The following COL26A1 variants were observed in gnomAD, a reference collection of about 807,000 sequenced individuals.
The protein encoded by COL26A1 is collagen type XXVI alpha 1 chain, also known as collagen alpha-1(XXVI) chain.
A neutral mutation model predicts 59.3 loss-of-function variants in COL26A1; 41 were observed. The ratio of observed to expected loss-of-function variants is 0.69; its 90% confidence interval spans 0.54 to 0.90. The LOEUF (loss-of-function observed/expected upper bound fraction) is 0.90. COL26A1 is among the 40% of genes least tolerant of loss of function. The pLI, the probability that COL26A1 is intolerant of heterozygous loss-of-function variation, is 0.00. For missense variants in COL26A1, 612 were observed against 602.3 expected, an observed-to-expected ratio of 1.02 and a Z score of -0.17; for synonymous variants, 266 against 256.0, an observed-to-expected ratio of 1.04 and a Z score of -0.37.
At chr7:101,467,122 T>C (rs1793781302) in intron 3 of COL26A1, among the ~76,000 whole-genome samples, 1 of 151,650 alleles carries the variant, frequency 6.6e-6, no homozygotes. Context: ...TGGGAGGTGG[T>C]GGGTTGTGTA....
At chr7:101,551,238 T>TGGGGGGGGGCC in intron 10 of COL26A1, 95 bp downstream of exon 10, 2 of 491,354 alleles carry the variant, frequency 4.1e-6, no homozygotes, top group East Asian at 5.2e-5. Context: ...GGTGGGGGGG[T>TGGGGGGGGGCC]TCAGCCCTGG....
intron 3 of COL26A1, among the ~76,000 whole-genome samples, chr7:101,531,003 C>T (rs1289403937): frequency 1.3e-5 from 2 of 151,652 alleles, no homozygotes; most frequent in Non-Finnish European, 2.9e-5. Flanking sequence ...AGAAGTCTCA[C>T]TCTGTCACCC....
At chr7:101,409,597 CA>C (rs1170656606) in intron 1 of COL26A1, among the ~76,000 whole-genome samples, 10 of 152,216 alleles carry the variant, frequency 6.6e-5, no homozygotes, top group Non-Finnish European at 1.3e-4. Context: ...GGAAGTAGAT[CA>C]AGGTGTGTTA....
intron 3 of COL26A1, among the ~76,000 whole-genome samples, chr7:101,493,545 A>C (rs1327308548): frequency 2.0e-5 from 3 of 152,116 alleles, no homozygotes; most frequent in Admixed American, 2.0e-4. Context: ...ACTCTTACTC[A>C]GAACGGTATT....
Position 101,513,093 on chromosome 7 carries a change from G to A in COL26A1, c.386-19989G>A, listed in dbSNP as rs1395817331. Reference sequence around the variant, plus strand: ...ATGATTTTGGCTCACTGCAACCTCCGCCTCCTGGGTTCAAGCAATTCTCCT... The same window carrying A: ...ATGATTTTGGCTCACTGCAACCTCCACCTCCTGGGTTCAAGCAATTCTCCT... On this transcript the variant is annotated intron_variant, in intron 3 of 12. Transcript: ENST00000313669. Among the ~76,000 whole-genome samples the A allele has an allele frequency of 2.6e-5, 4 of 151,840 alleles. No homozygotes were observed. In the East Asian group the frequency reaches 5.8e-4, roughly 22 times the overall value.
intron 5 of COL26A1, among the ~76,000 whole-genome samples, chr7:101,540,893 G>A (rs992560526): frequency 6.6e-6 from 1 of 152,084 alleles, no homozygotes; most frequent in East Asian, 1.9e-4. Context: ...TATAATCCCA[G>A]CACTTTGGAA....
At chr7:101,468,938 G>GGTGT (rs1793829341) in intron 3 of COL26A1, among the ~76,000 whole-genome samples, 2 of 152,304 alleles carry the variant, frequency 1.3e-5, no homozygotes, top group Non-Finnish European at 2.9e-5. Context: ...TGCACCGGGT[G>GGTGT]GACCTTGGCC....
chr7:101,548,980 G>A (rs1021731545), intron 8 of COL26A1, among the ~76,000 whole-genome samples, 191 bp from the exon 9 acceptor site: 14 of 152,296 alleles, frequency 9.2e-5, no homozygotes, highest in South Asian at 2.1e-4. Context: ...GTGGGCAGCC[G>A]GTGGAGAGGA....
chr7:101,416,302 G>T (rs1427532644), intron 1 of COL26A1, among the ~76,000 whole-genome samples: 1 of 142,708 alleles, frequency 7.0e-6, no homozygotes, highest in African/African-American at 2.5e-5. Context: ...TGAGATGGGA[G>T]GATTGCATGA....
intron 1 of COL26A1, 127 bp from the exon 2 acceptor site, chr7:101,419,850 C>T: frequency 1.1e-6 from 1 of 914,118 alleles, no homozygotes; most frequent in Non-Finnish European, 1.7e-6. Flanking sequence ...AGTGGGCCCC[C>T]CATCCAAGAG....
intron 3 of COL26A1, among the ~76,000 whole-genome samples, chr7:101,485,252 C>A (rs1794243184): frequency 6.6e-6 from 1 of 152,178 alleles, no homozygotes; most frequent in Admixed American, 6.6e-5. Context: ...TCTGCACACG[C>A]CGGTGCTGAG....
chr7:101,488,733 AGC>A (rs775879352), intron 3 of COL26A1, among the ~76,000 whole-genome samples: 5 of 152,212 alleles, frequency 3.3e-5, no homozygotes, highest in Non-Finnish European at 7.3e-5. Context: ...ACTGTCGTCC[AGC>A]CATCTCCACT....
At position 101,547,226 on chromosome 7, in the gene COL26A1, C is replaced by CCCTGGTCCA. The variant is rs1266561903; in HGVS notation, c.930_938dup (p.Pro316_Pro318dup). The CCCTGGTCCA allele has an allele frequency of 1.9e-6, 3 of 1,580,476 alleles. No individual in the cohort carries two copies. Among genetic ancestry groups the CCCTGGTCCA allele is most frequent in the Non-Finnish European group, 2.6e-6 (3 of 1,164,720 alleles). The stretch of plus-strand genomic sequence containing the variant: ...CAGGTGTCCCAGGACCCCGGGGTCC[C>CCCTGGTCCA]CCTGGTCCACCAGGTAAGTGAATGG... On this transcript the variant is annotated inframe_insertion, in exon 8 of 13. Coordinates refer to ENST00000313669, the MANE Select transcript of COL26A1 (RefSeq NM_001278563.3).
chr7:101,471,567 G>GTTTTTTT (rs796287195), intron 3 of COL26A1, among the ~76,000 whole-genome samples: 8 of 112,414 alleles, frequency 7.1e-5, no homozygotes, highest in African/African-American at 2.8e-4. Flanking sequence ...TGTTGTTGTT[G>GTTTTTTT]TTTGTTTTTT....
chr7:101,497,692 A>T (rs1350022919), intron 3 of COL26A1, among the ~76,000 whole-genome samples: 1 of 151,490 alleles, frequency 6.6e-6, no homozygotes, highest in Admixed American at 6.6e-5. Context: ...AAAATAAATA[A>T]ATAAAAGGCC....
At chr7:101,508,247 C>G (rs1374085917) in intron 3 of COL26A1, among the ~76,000 whole-genome samples, 2 of 152,248 alleles carry the variant, frequency 1.3e-5, no homozygotes, top group Non-Finnish European at 2.9e-5. Flanking sequence ...CCTGGCCAGG[C>G]GCGGTGGCCC....
chr7:101,402,003 G>A (rs1046791402), intron 1 of COL26A1, among the ~76,000 whole-genome samples: 10 of 152,094 alleles, frequency 6.6e-5, no homozygotes, highest in African/African-American at 2.4e-4. Flanking sequence ...AACATAAAAG[G>A]CAGACTTCAT....
chr7:101,521,131 ATG>A (rs1416918277), intron 3 of COL26A1, among the ~76,000 whole-genome samples: 2 of 152,190 alleles, frequency 1.3e-5, no homozygotes, highest in African/African-American at 2.4e-5. Flanking sequence ...AGGAGAGAGA[ATG>A]TGTGCAGGGG....
At chr7:101,409,805 G>A (rs1322778094) in intron 1 of COL26A1, among the ~76,000 whole-genome samples, 1 of 152,046 alleles carries the variant, frequency 6.6e-6, no homozygotes, top group Non-Finnish European at 1.5e-5. Context: ...CTGTTGCCCA[G>A]GCGGGAGTGC....
Sources: gnomAD v4.1 joint callset for allele counts (sites outside exome capture counted in the v4.1 genomes callset) on GRCh38, gnomAD v4.1.1 for gene constraint, MANE v1.5 for transcripts, NCBI Gene and HGNC (gene_info 2026-07-23, HGNC 2026-07-21) for gene names.